Variants in CAMKMT observed in about 807,000 individuals in gnomAD.
The protein encoded by CAMKMT is calmodulin-lysine N-methyltransferase, also known as CaM KMT.
A neutral mutation model predicts 48.0 loss-of-function variants in CAMKMT; 53 were observed. The observed-to-expected ratio is 1.10, with a 90% CI of 0.89 to 1.39. CAMKMT has a LOEUF of 1.39. CAMKMT is among the 40% of genes most tolerant of loss of function. CAMKMT has a pLI of 0.00. For synonymous variants in CAMKMT, 165 were observed against 152.3 expected (o/e 1.08, Z -0.61); for missense variants, 428 against 402.7 (o/e 1.06, Z -0.54).
chr2:44,402,752 T>TTG lies in CAMKMT; in HGVS notation c.376+12448_376+12449insGT, dbSNP rs1682505583. 2.0e-5 allele frequency among the ~76,000 whole-genome samples: 3 copies of TTG among 148,972 alleles called. 1 individual carries two copies. Among genetic ancestry groups the TTG allele is most frequent in the Admixed American group, 1.3e-4 (2 of 15,016 alleles). ...CTTTTGTTTTGCTGTTTTTTTTTTT[T>TTG]TTTTTTTACTTTTTCTTTACTTTTA... is the stretch of plus-strand genomic sequence containing the variant. On this transcript the variant is annotated intron_variant, in intron 3 of 10. Transcript: ENST00000378494.
intron 3 of CAMKMT, among the ~76,000 whole-genome samples, chr2:44,648,137 A>G (rs1248820883): frequency 2.6e-5 from 4 of 152,094 alleles, no homozygotes; most frequent in Admixed American, 2.0e-4. Context: ...ATGAAAAAAA[A>G]GCTTGTTGTA....
chr2:44,485,447 A>G (rs1357493053), intron 3 of CAMKMT, among the ~76,000 whole-genome samples: 2 of 152,160 alleles, frequency 1.3e-5, no homozygotes, highest in Non-Finnish European at 2.9e-5. Flanking sequence ...CAGACTCAAA[A>G]TAATACATAC....
In CAMKMT at chr2:44,627,697, C is replaced by CTTTTTTT. The variant is rs1174344846; in HGVS notation, c.377-76562_377-76556dup. ...TTATTTATAATGGTCCCATTTTATC[C>CTTTTTTT]TTTTTTTTTTTTTTTTTTTTTTTTT... On this transcript the variant is annotated intron_variant, in intron 3 of 10. Coordinates refer to ENST00000378494, the MANE Select transcript of CAMKMT (RefSeq NM_024766.5). Among the ~76,000 whole-genome samples, 56 of 75,088 alleles carry CTTTTTTT rather than the reference C, an allele frequency of 7.5e-4. 4 individuals carry two copies. The highest frequency in any genetic ancestry group is 1.1e-3 in the African/African-American group (19 of 16,718). 49.3% of individuals were successfully genotyped at this position (75,088 alleles called of 152,430 possible). A position where few individuals can be genotyped will look rare whatever the true frequency, so the allele number is the denominator to read the frequency against.
Position 44,597,840 on chromosome 2 carries a change from G to A in CAMKMT, c.377-106443G>A, listed in dbSNP as rs543952738. Among the ~76,000 whole-genome samples the A allele has an allele frequency of 2.6e-4, 39 of 152,144 alleles. No homozygotes were observed. In the Middle Eastern group the frequency reaches 0.014, roughly 53 times the overall value. Reference sequence around the variant, plus strand: ...CAACCTTCACCTCCCTGGTTCAAGCGATTCTCCTGCCTCAGCCTCCTGAGT... The same window carrying A: ...CAACCTTCACCTCCCTGGTTCAAGCAATTCTCCTGCCTCAGCCTCCTGAGT... On this transcript the variant is annotated intron_variant, in intron 3 of 10. Transcript: ENST00000378494.
At chr2:44,565,717 A>C (rs374990335) in intron 3 of CAMKMT, among the ~76,000 whole-genome samples, 257 of 152,214 alleles carry the variant, frequency 1.7e-3, no homozygotes, top group Middle Eastern at 3.4e-3. Context: ...CAAAAAAAAA[A>C]ACAAAACTCC....
At chr2:44,383,206 C>G (rs530145744) in intron 2 of CAMKMT, among the ~76,000 whole-genome samples, 1 of 151,982 alleles carries the variant, frequency 6.6e-6, no homozygotes, top group African/African-American at 2.4e-5. Context: ...GCTCTGTCAC[C>G]CAGGCTGGAG....
At chr2:44,428,754 T>C (rs866084378) in intron 3 of CAMKMT, among the ~76,000 whole-genome samples, 6 of 152,240 alleles carry the variant, frequency 3.9e-5, no homozygotes, top group Non-Finnish European at 7.3e-5. Context: ...CTTAGAGTTA[T>C]GCAGTCACGT....
At chr2:44,711,705 C>T (rs747626877) in intron 6 of CAMKMT, among the ~76,000 whole-genome samples, 1 of 152,146 alleles carries the variant, frequency 6.6e-6, no homozygotes, top group Admixed American at 6.5e-5. Context: ...TTCACCCTAC[C>T]AAAGCTTTTG....
intron 3 of CAMKMT, among the ~76,000 whole-genome samples, chr2:44,487,552 A>G (rs1286367732): frequency 2.0e-5 from 3 of 152,210 alleles, no homozygotes; most frequent in Non-Finnish European, 4.4e-5. Flanking sequence ...TGATGTCTGT[A>G]TCATACTACA....
intron 7 of CAMKMT, among the ~76,000 whole-genome samples, chr2:44,730,435 C>T (rs1250815781): frequency 6.6e-6 from 1 of 152,140 alleles, no homozygotes; most frequent in Non-Finnish European, 1.5e-5. Flanking sequence ...CTGTATGTTC[C>T]TTTTGACGAT....
At position 44,772,154 on chromosome 2, in the gene CAMKMT, A is replaced by G. The variant is rs752145984; in HGVS notation, c.*41A>G. 45 of 1,530,562 alleles carry G rather than the reference A, an allele frequency of 2.9e-5. No homozygotes were observed. In the South Asian group the frequency reaches 4.1e-4, roughly 14 times the overall value. The allele number at this position is 1,530,562 out of a possible 1,614,324, so 94.8% of individuals were successfully genotyped here. ...AAAGACGAAGAAACGTATCAAGTGC[A>G]TAGGGAATATTTTTACAAAAACGGA... On this transcript the variant is annotated 3_prime_UTR_variant, in exon 11 of 11. Coordinates refer to ENST00000378494, the MANE Select transcript of CAMKMT (RefSeq NM_024766.5).
chr2:44,387,114 T>C (rs1680850091), intron 2 of CAMKMT, among the ~76,000 whole-genome samples: 1 of 152,152 alleles, frequency 6.6e-6, no homozygotes, highest in African/African-American at 2.4e-5. Flanking sequence ...GTCAGTGGAG[T>C]ATTGAAGTCC....
At chr2:44,611,739 C>A (rs1558743419) in intron 3 of CAMKMT, among the ~76,000 whole-genome samples, 1 of 151,832 alleles carries the variant, frequency 6.6e-6, no homozygotes, top group African/African-American at 2.4e-5. Flanking sequence ...TTACAGGAAG[C>A]ATGGTGCCGG....
At chr2:44,543,361 A>C (rs529832756) in intron 3 of CAMKMT, among the ~76,000 whole-genome samples, 1 of 152,324 alleles carries the variant, frequency 6.6e-6, no homozygotes, top group East Asian at 1.9e-4. Context: ...CCCTGTATTA[A>C]AGCAATGAAT....
At chr2:44,636,965 A>T (rs77465223) in intron 3 of CAMKMT, among the ~76,000 whole-genome samples, 1 of 152,206 alleles carries the variant, frequency 6.6e-6, no homozygotes, top group South Asian at 2.1e-4. Context: ...GAACATTCTC[A>T]TTCTGAGTTC....
chr2:44,603,560 G>C (rs71420101), intron 3 of CAMKMT, among the ~76,000 whole-genome samples: 1 of 152,270 alleles, frequency 6.6e-6, no homozygotes, highest in South Asian at 2.1e-4. Context: ...CATAGGCTAA[G>C]GTCAGCTGAG....
chr2:44,687,136 C>T lies in CAMKMT; in HGVS notation c.377-17147C>T, dbSNP rs140052073. On this transcript the variant is annotated intron_variant, in intron 3 of 10. Coordinates refer to ENST00000378494, the MANE Select transcript of CAMKMT (RefSeq NM_024766.5). ...ACATAATTCAATTTTTTTATCAGATCGTCTTTTCTTAAAGGTATGTCTAAT... is the reference window on the plus strand; with the variant it reads ...ACATAATTCAATTTTTTTATCAGATTGTCTTTTCTTAAAGGTATGTCTAAT... 4.9e-4 allele frequency among the ~76,000 whole-genome samples: 75 copies of T among 152,220 alleles called. No homozygotes were observed. The East Asian group carries it at 7.7e-3, about 16-fold the overall frequency.
chr2:44,502,834 A>T (rs1670071275), intron 3 of CAMKMT, among the ~76,000 whole-genome samples: 1 of 152,188 alleles, frequency 6.6e-6, no homozygotes, highest in African/African-American at 2.4e-5. Context: ...AATATATTAT[A>T]GTTCCTTTTT....
rs181216181 is a variant in CAMKMT at position 44,392,153 on chromosome 2, T to C, written c.376+1848T>C. 2.4e-3 allele frequency: 360 copies of C among 152,298 alleles called. 1 individual carries two copies. The highest frequency in any genetic ancestry group is 8.3e-3 in the African/African-American group (347 of 41,584). The allele number at this position is 152,298 out of a possible 1,614,324, so 9.4% of individuals were successfully genotyped here. A position where few individuals can be genotyped will look rare whatever the true frequency, so the allele number is the denominator to read the frequency against. ...ATATTATTAGGATTATTCTGTCTTA[T>C]ACTATTTTAATTGAACTAACAGGGC... is the stretch of plus-strand genomic sequence containing the variant. On this transcript the variant is annotated intron_variant, in intron 3 of 10. Transcript: ENST00000378494.
Sources: allele counts gnomAD v4.1 joint callset (sites outside exome capture counted in the v4.1 genomes callset), GRCh38; gene constraint gnomAD v4.1.1; transcripts MANE v1.5; gene names NCBI Gene and HGNC (gene_info 2026-07-23, HGNC 2026-07-21).